ESCO1: variants seen among roughly 807,000 people sequenced by gnomAD.
ESCO1 encodes establishment of sister chromatid cohesion N-acetyltransferase 1.
Under a neutral mutation model 83.5 loss-of-function variants are expected in ESCO1, and 33 were observed. That is an observed-to-expected ratio of 0.40 (90% CI 0.30 to 0.53). The LOEUF (loss-of-function observed/expected upper bound fraction) is 0.53. Ranked by LOEUF, ESCO1 falls within the 20% of genes least tolerant of loss-of-function variation. The pLI is 0.63. For synonymous variants in ESCO1, 332 were observed against 324.3 expected (o/e 1.02, Z -0.25); for missense variants, 855 against 968.0 (o/e 0.88, Z 1.55).
chr18:21,557,941 G>A (rs1465294901), intron 8 of ESCO1, among the ~76,000 whole-genome samples: 1 of 151,862 alleles, frequency 6.6e-6, no homozygotes, highest in East Asian at 1.9e-4. Flanking sequence ...AGCATTAAGA[G>A]GTTTCTTCCT....
At chr18:21,546,266 C>A (rs913634851) in intron 8 of ESCO1, among the ~76,000 whole-genome samples, 3 of 151,866 alleles carry the variant, frequency 2.0e-5, no homozygotes, top group Non-Finnish European at 4.4e-5. Context: ...GATACAAAAA[C>A]AGGCCTGGTG....
At chr18:21,549,675 G>A (rs935547804) in intron 8 of ESCO1, among the ~76,000 whole-genome samples, 1 of 152,144 alleles carries the variant, frequency 6.6e-6, no homozygotes, top group Non-Finnish European at 1.5e-5. Context: ...TTAGGATACA[G>A]AAGGTCAAAG....
In ESCO1 at chr18:21,529,761, T is replaced by C. The variant is rs2037743165; in HGVS notation, c.*582A>G. The C allele has an allele frequency of 6.6e-6, 1 of 152,226 alleles. No homozygotes were observed. Among genetic ancestry groups the C allele is most frequent in the Non-Finnish European group, 1.5e-5 (1 of 68,026 alleles). The allele number at this position is 152,226 out of a possible 1,614,324, so 9.4% of individuals were successfully genotyped here. ...GAAAAATCAGGAAAAAAAAGCTCAATATTCTAATTCTTCCTATTTAGCTGG... is the reference window on the plus strand; with the variant it reads ...GAAAAATCAGGAAAAAAAAGCTCAACATTCTAATTCTTCCTATTTAGCTGG... On this transcript the variant is annotated 3_prime_UTR_variant, in exon 12 of 12. Transcript: ENST00000269214.
At chr18:21,559,630 T>C (rs2038157359) in intron 8 of ESCO1, among the ~76,000 whole-genome samples, 1 of 152,230 alleles carries the variant, frequency 6.6e-6, no homozygotes, top group Non-Finnish European at 1.5e-5. Context: ...GTATATAAAA[T>C]ATACTGAACT....
At chr18:21,531,820 G>A (rs372894978) in intron 11 of ESCO1, among the ~76,000 whole-genome samples, 1 of 148,478 alleles carries the variant, frequency 6.7e-6, no homozygotes, top group Non-Finnish European at 1.5e-5. Flanking sequence ...TTGAACCTGG[G>A]AGGCAGAGGT....
chr18:21,577,361 TAAAAAAAAAA>T (rs1555671990), intron 2 of ESCO1, among the ~76,000 whole-genome samples: 5 of 52,964 alleles, frequency 9.4e-5, no homozygotes, highest in African/African-American at 3.8e-4. Context: ...CCATCTTTTT[TAAAAAAAAAA>T]AAAAAAAAAA....
At chr18:21,571,157 C>A (rs867341493) in intron 4 of ESCO1, among the ~76,000 whole-genome samples, 2 of 151,720 alleles carry the variant, frequency 1.3e-5, no homozygotes, top group Middle Eastern at 3.2e-3. Flanking sequence ...AATTTCAAAC[C>A]GTAAGATTTT....
Position 21,544,454 on chromosome 18 carries a change from A to G in ESCO1, c.1954-4445T>C, listed in dbSNP as rs139004047. 1.0e-4 allele frequency among the ~76,000 whole-genome samples: 15 copies of G among 148,004 alleles called. No homozygotes were observed. The East Asian group carries it at 2.6e-3, about 25-fold the overall frequency. ...AAACCTCGTTTCTACTAAAAATACA[A>G]AAAAAAAACAAAAAAAAAACAAAAA... is the stretch of plus-strand genomic sequence containing the variant. On this transcript the variant is annotated intron_variant, in intron 8 of 11. Transcript: ENST00000269214.
intron 5 of ESCO1, among the ~76,000 whole-genome samples, chr18:21,566,934 A>T (rs2038270100): frequency 6.6e-6 from 1 of 152,154 alleles, no homozygotes; most frequent in South Asian, 2.1e-4. Context: ...TTTATTTTCT[A>T]ATGAATAAAT....
At chr18:21,557,538 T>C (rs986633871) in intron 8 of ESCO1, among the ~76,000 whole-genome samples, 4 of 152,224 alleles carry the variant, frequency 2.6e-5, no homozygotes, top group African/African-American at 9.6e-5. Flanking sequence ...CTTAGATCTT[T>C]TATTAACTTT....
At chr18:21,540,728 A>G in intron 8 of ESCO1, 1 of 1,257,034 alleles carries the variant, frequency 8.0e-7, no homozygotes. Flanking sequence ...ACAAAACAAA[A>G]GCCACTTAAA....
intron 8 of ESCO1, among the ~76,000 whole-genome samples, chr18:21,543,186 A>T (rs8096612): frequency 0.99 from 151,036 of 152,320 alleles, 74,895 homozygotes; most frequent in East Asian, 1. Flanking sequence ...GACAGTTTCA[A>T]TCTTGTTGCC....
At chr18:21,566,251 T>A in intron 5 of ESCO1, 45 bp from the exon 6 acceptor site, 4 of 1,531,344 alleles carry the variant, frequency 2.6e-6, no homozygotes, top group Non-Finnish European at 3.6e-6. Flanking sequence ...AGTTTTATAC[T>A]AGTTTTCCAT....
At chr18:21,569,025 T>C (rs954008900) in intron 4 of ESCO1, among the ~76,000 whole-genome samples, 1 of 152,232 alleles carries the variant, frequency 6.6e-6, no homozygotes, top group African/African-American at 2.4e-5. Flanking sequence ...CTTATATTCC[T>C]ACTGGATAGT....
At position 21,567,902 on chromosome 18, in the gene ESCO1, G is replaced by GTA. The variant is rs536670683; in HGVS notation, c.1645+76_1645+77dup. 6.6e-4 allele frequency: 661 copies of GTA among 1,006,316 alleles called. 4 individuals are homozygous for GTA. Among genetic ancestry groups the GTA allele is most frequent in the Middle Eastern group, 7.8e-4 (3 of 3,846 alleles). The allele number at this position is 1,006,316 out of a possible 1,614,324, so 62.3% of individuals were successfully genotyped here. ...AAAAAGAATTTAACAACCCTATTTG[G>GTA]TATATAACATTTTCTGTAATACTGA... On this transcript the variant is annotated intron_variant, in intron 5 of 11. Transcript: ENST00000269214.
intron 8 of ESCO1, among the ~76,000 whole-genome samples, chr18:21,548,939 TA>T (rs796154017): frequency 0.013 from 1,881 of 139,782 alleles, 7 homozygotes; most frequent in Non-Finnish European, 0.018. Flanking sequence ...CCCTGTCTCT[TA>T]AAAAAAAAAA....
chr18:21,565,859 G>A (rs2038252556), intron 6 of ESCO1, among the ~76,000 whole-genome samples: 1 of 152,030 alleles, frequency 6.6e-6, no homozygotes, highest in African/African-American at 2.4e-5. Flanking sequence ...GATCACTTGA[G>A]CCCAGGAGTT....
chr18:21,587,699 G>A (rs2038601311), intron 1 of ESCO1, among the ~76,000 whole-genome samples: 1 of 152,076 alleles, frequency 6.6e-6, no homozygotes, highest in Non-Finnish European at 1.5e-5. Context: ...CACTTTGGGA[G>A]GCCAAGGTGG....
At chr18:21,546,094 T>C (rs1387021098) in intron 8 of ESCO1, among the ~76,000 whole-genome samples, 2 of 152,218 alleles carry the variant, frequency 1.3e-5, no homozygotes, top group African/African-American at 2.4e-5. Context: ...CTACCTACCA[T>C]GTATACAAAC....
Sources: gnomAD v4.1 joint callset for allele counts (sites outside exome capture counted in the v4.1 genomes callset) on GRCh38, gnomAD v4.1.1 for gene constraint, MANE v1.5 for transcripts, NCBI Gene and HGNC (gene_info 2026-07-23, HGNC 2026-07-21) for gene names.